CDKL5: variants seen among roughly 807,000 people sequenced by gnomAD.
The protein encoded by CDKL5 is cyclin-dependent kinase-like 5.
Under a neutral mutation model 61.7 loss-of-function variants are expected in CDKL5, and 8 were observed. The observed-to-expected ratio is 0.13, with a 90% CI of 0.08 to 0.23. The LOEUF (loss-of-function observed/expected upper bound fraction) is 0.23. Among genes scored for constraint, CDKL5 ranks in the 10% least tolerant of loss-of-function variants. The pLI, the probability that CDKL5 is intolerant of heterozygous loss-of-function variation, is 1.00. For missense variants in CDKL5, 440 were observed against 734.5 expected (o/e 0.60, Z 4.63); for synonymous variants, 275 against 272.3 (o/e 1.01, Z -0.10).
At chrX:18,441,414 CA>C (rs757888759) in intron 1 of CDKL5, among the ~76,000 whole-genome samples, 15 of 104,196 alleles carry the variant, frequency 1.4e-4, no homozygotes, top group East Asian at 3.0e-4. Context: ...GACCCTGTCT[CA>C]AAAAAAAAAA....
intron 16 of CDKL5, chrX:18,623,938 T>C: frequency 1.3e-6 from 1 of 745,241 alleles, no homozygotes; most frequent in Non-Finnish European, 1.6e-6. Flanking sequence ...CTCTTTTTAA[T>C]TCAAAGAATC....
intron 1 of CDKL5, among the ~76,000 whole-genome samples, chrX:18,498,577 C>T (rs185797751): frequency 8.1e-5 from 9 of 111,575 alleles, no homozygotes; most frequent in African/African-American, 2.6e-4. Context: ...TCTCAATTTC[C>T]TCCTTAAGCA....
intron 1 of CDKL5, among the ~76,000 whole-genome samples, chrX:18,505,602 C>T (rs1240497804): frequency 1.8e-5 from 2 of 111,956 alleles, no homozygotes; most frequent in East Asian, 5.6e-4. Flanking sequence ...AAATGTCCCT[C>T]AGCTTGGGCT....
chrX:18,521,223 T>C (rs781726199), intron 3 of CDKL5, among the ~76,000 whole-genome samples: 20 of 112,273 alleles, frequency 1.8e-4, no homozygotes, highest in South Asian at 3.7e-4. Context: ...AAAATTGGGT[T>C]GTCTTTTTGG....
rs1194036233 is a variant in CDKL5 at position 18,637,506 on chromosome X, G to A, written c.*8749G>A. ...GAACCCAAAAGGCAGAGGTTGCAGT[G>A]AGCCAAGATCGCACCACTGCACTCC... On this transcript the variant is annotated 3_prime_UTR_variant, in exon 18 of 18. Coordinates refer to ENST00000623535, the MANE Select transcript of CDKL5 (RefSeq NM_001323289.2). 9.0e-6 allele frequency: 1 copy of A among 110,820 alleles called. No individual in the cohort carries two copies. The highest frequency in any genetic ancestry group is 1.9e-5 in the Non-Finnish European group (1 of 53,040). 9.1% of individuals were successfully genotyped at this position (110,820 alleles called of 1,213,427 possible).
At chrX:18,606,095 C>T (rs1304797371) in intron 12 of CDKL5, among the ~76,000 whole-genome samples, 2 of 110,554 alleles carry the variant, frequency 1.8e-5, no homozygotes, top group African/African-American at 6.6e-5. Flanking sequence ...GCACTAGAAT[C>T]GCTTGAACCC....
chrX:18,582,270 A>G (rs1925507210), intron 7 of CDKL5, among the ~76,000 whole-genome samples: 1 of 112,017 alleles, frequency 8.9e-6, no homozygotes, highest in Admixed American at 9.5e-5. Context: ...TTAATCATGA[A>G]CACTAAAATA....
At chrX:18,425,935 G>T (rs990171091) in intron 1 of CDKL5, among the ~76,000 whole-genome samples, 23 of 112,486 alleles carry the variant, frequency 2.0e-4, no homozygotes, top group African/African-American at 7.4e-4. Flanking sequence ...GGCTGGGGCT[G>T]TCTTTTGGGG....
At chrX:18,530,335 CAAAAAAAA>C (rs985283133) in intron 3 of CDKL5, among the ~76,000 whole-genome samples, 4 of 47,593 alleles carry the variant, frequency 8.4e-5, no homozygotes, top group African/African-American at 1.6e-4. Context: ...GGCTCCGTCT[CAAAAAAAA>C]AAAAAAAAAG....
downstream of CDKL5, among the ~76,000 whole-genome samples, chrX:18,644,125 T>A (rs1174352305): frequency 8.9e-6 from 1 of 112,204 alleles, no homozygotes; most frequent in Non-Finnish European, 1.9e-5. Flanking sequence ...GTGCATTCAA[T>A]GATCCAGTGA....
chrX:18,591,603 A>G (rs1925832862), intron 9 of CDKL5, among the ~76,000 whole-genome samples: 1 of 111,735 alleles, frequency 8.9e-6, no homozygotes, highest in African/African-American at 3.3e-5. Context: ...TAAACTCTTT[A>G]GGGTAGCTTT....
rs759433358 is a variant in CDKL5, at chrX:18,634,476, T to A, written c.*5719T>A. On this transcript the variant is annotated 3_prime_UTR_variant, in exon 18 of 18. Transcript: ENST00000623535. ...CCGGTTCAAACTCTGTAGAGTTTCATGGAAAAACAAAACAAAACAAAAAAG... is the reference window on the plus strand; with the variant it reads ...CCGGTTCAAACTCTGTAGAGTTTCAAGGAAAAACAAAACAAAACAAAAAAG... 1.3e-6 allele frequency: 1 copy of A among 752,512 alleles called. No homozygotes were observed. Among genetic ancestry groups the A allele is most frequent in the South Asian group, 6.8e-5 (1 of 14,645 alleles). The allele number at this position is 752,512 out of a possible 1,213,427, so 62.0% of individuals were successfully genotyped here.
downstream of CDKL5, chrX:18,641,570 G>A: frequency 6.5e-6 from 1 of 154,863 alleles, no homozygotes; most frequent in Non-Finnish European, 1.3e-5. Context: ...TAACTAGGAG[G>A]AGCTGCTCCC....
chrX:18,647,205 G>A, intron 20 of CDKL5: 1 of 1,211,025 alleles, frequency 8.3e-7, no homozygotes, highest in Non-Finnish European at 1.1e-6. Flanking sequence ...AGCCTTGACT[G>A]TTGAGCCGGG....
intron 3 of CDKL5, among the ~76,000 whole-genome samples, chrX:18,534,012 G>T (rs1035560796): frequency 2.7e-5 from 3 of 111,926 alleles, no homozygotes; most frequent in African/African-American, 9.8e-5. Flanking sequence ...TTCTGTCCCT[G>T]GTTCTCTGCT....
At chrX:18,577,076 C>T (rs1326139343) in intron 5 of CDKL5, among the ~76,000 whole-genome samples, 1 of 111,176 alleles carries the variant, frequency 9.0e-6, no homozygotes, top group Non-Finnish European at 1.9e-5. Flanking sequence ...TTTATTTTTT[C>T]ATTATCATAA....
At chrX:18,597,020 T>A (rs1482583319) in intron 10 of CDKL5, among the ~76,000 whole-genome samples, 2 of 111,434 alleles carry the variant, frequency 1.8e-5, no homozygotes, top group Non-Finnish European at 3.8e-5. Flanking sequence ...GTCAGTTACT[T>A]TTTATAATGT....
chrX:18,551,906 G>A (rs952000956), intron 3 of CDKL5, among the ~76,000 whole-genome samples: 1 of 109,000 alleles, frequency 9.2e-6, no homozygotes, highest in African/African-American at 3.3e-5. Context: ...ACTTTCTAAA[G>A]CATAGAAAAG....
At chrX:18,562,671 A>G (rs1924843325) in intron 3 of CDKL5, among the ~76,000 whole-genome samples, 1 of 111,961 alleles carries the variant, frequency 8.9e-6, no homozygotes, top group Non-Finnish European at 1.9e-5. Context: ...TCTTCTCTTA[A>G]TTGCATGTGT....
Sources: gnomAD v4.1 joint callset for allele counts (sites outside exome capture counted in the v4.1 genomes callset) on GRCh38, gnomAD v4.1.1 for gene constraint, MANE v1.5 for transcripts, NCBI Gene and HGNC (gene_info 2026-07-23, HGNC 2026-07-21) for gene names.